Variants in SYCP2L observed in about 807,000 individuals in gnomAD.
SYCP2L encodes the protein synaptonemal complex protein 2 like, also known as synaptonemal complex protein 2-like.
A neutral mutation model predicts 125.8 loss-of-function variants in SYCP2L; 98 were observed. The observed-to-expected ratio is 0.78, with a 90% CI of 0.66 to 0.92. SYCP2L has a LOEUF of 0.92. Ranked by LOEUF, SYCP2L falls within the 40% of genes least tolerant of loss-of-function variation. The pLI is 0.00. For synonymous variants in SYCP2L, 317 were observed against 325.4 expected (o/e 0.97, Z 0.28); for missense variants, 842 against 936.4 (o/e 0.90, Z 1.32).
intron 12 of SYCP2L, among the ~76,000 whole-genome samples, chr6:10,911,983 A>C (rs1291322424): frequency 1.5e-5 from 2 of 132,664 alleles, no homozygotes; most frequent in African/African-American, 2.9e-5. Context: ...ATCACTGCCA[A>C]CTCCGCCTCC....
chr6:10,897,611 C>T (rs1400634288), intron 4 of SYCP2L, among the ~76,000 whole-genome samples: 1 of 152,120 alleles, frequency 6.6e-6, no homozygotes, highest in Non-Finnish European at 1.5e-5. Context: ...GAAGTTTAAC[C>T]ATCTTTCCCA....
In SYCP2L at chr6:10,955,175, C is replaced by T. The variant is rs1225746; in HGVS notation, c.2014C>T (p.Pro672Ser). The change falls in exon 24 of 30, where the codon CCG (proline) becomes TCG (serine). Residue 672 changes from proline (P) to serine (S), a missense_variant. Pro to Ser is a moderately conservative substitution (Grantham distance 74). Coordinates refer to ENST00000283141, the MANE Select transcript of SYCP2L (RefSeq NM_001040274.3). ...QQSRLEEEVAPGSPFSITEER... is the reference protein window; with the variant it reads ...QQSRLEEEVASGSPFSITEER... The stretch of plus-strand genomic sequence containing the variant: ...ATCAAGATTGGAAGAAGAGGTTGCT[C>T]CGGGATCCCCTTTCTCAATAACAGA... 0.97 allele frequency: 1,561,551 copies of T among 1,613,468 alleles called. 757,842 individuals are homozygous for T. Among genetic ancestry groups the T allele is most frequent in the Non-Finnish European group, 0.99 (1,167,881 of 1,179,550 alleles).
intron 23 of SYCP2L, among the ~76,000 whole-genome samples, chr6:10,947,124 TAGA>T (rs1781330297): frequency 6.6e-6 from 1 of 152,090 alleles, no homozygotes; most frequent in Non-Finnish European, 1.5e-5. Context: ...TTTTTATTTC[TAGA>T]AGTTGTTTGG....
chr6:10,928,424 G>A lies in SYCP2L; in HGVS notation c.1462G>A (p.Gly488Arg), dbSNP rs374666909. The change falls in exon 18 of 30, where the codon GGG becomes AGG. Residue 488 changes from glycine (G) to arginine (R), a missense_variant. Gly to Arg is a moderately radical substitution (Grantham distance 125, BLOSUM62 -2). Coordinates refer to ENST00000283141, the MANE Select transcript of SYCP2L (RefSeq NM_001040274.3). ...ATAGCTTCAGCCGGTCCCTCCGTTC[G>A]GGGTCCCTGACTTCCCGCAACAACC... ...DSHLQPVPPF[G>R]VPDFPQQPKS... The A allele has an allele frequency of 1.2e-5, 19 of 1,582,218 alleles. No homozygotes were observed. Among genetic ancestry groups the A allele is most frequent in the South Asian group, 4.7e-5 (4 of 85,932 alleles).
At chr6:10,955,268 T>G (rs761078406) in intron 24 of SYCP2L, 51 bp downstream of exon 24, 1 of 1,149,690 alleles carries the variant, frequency 8.7e-7, no homozygotes, top group Non-Finnish European at 1.3e-6. Context: ...GATAAATGGG[T>G]CAGCACAGGA....
Position 10,974,043 on chromosome 6 carries a change from C to T in SYCP2L, c.*129C>T, listed in dbSNP as rs1302935530. ...TTCGTGCTCTGTACGCATTCAATTT[C>T]CTCCCCTCCAAACATCATCCCTGGG... is the stretch of plus-strand genomic sequence containing the variant. On this transcript the variant is annotated 3_prime_UTR_variant, in exon 30 of 30. Transcript: ENST00000283141. 6.6e-6 allele frequency: 1 copy of T among 152,228 alleles called. No homozygotes were observed. Among genetic ancestry groups the T allele is most frequent in the Non-Finnish European group, 1.5e-5 (1 of 68,048 alleles). The allele number at this position is 152,228 out of a possible 1,614,324, so 9.4% of individuals were successfully genotyped here. A position where few individuals can be genotyped will look rare whatever the true frequency, so the allele number is the denominator to read the frequency against.
At chr6:10,908,875 A>G (rs1276195077) in intron 10 of SYCP2L, among the ~76,000 whole-genome samples, 2 of 152,172 alleles carry the variant, frequency 1.3e-5, no homozygotes, top group African/African-American at 2.4e-5. Flanking sequence ...TTGGCAAGGT[A>G]GTTGACTTGT....
At chr6:10,950,281 C>A (rs1781386571) in intron 23 of SYCP2L, among the ~76,000 whole-genome samples, 3 of 152,068 alleles carry the variant, frequency 2.0e-5, no homozygotes, top group Admixed American at 2.0e-4. Context: ...TTTGACTTGC[C>A]TTATGGTTGA....
intron 29 of SYCP2L, among the ~76,000 whole-genome samples, chr6:10,970,495 G>A (rs1258527268): frequency 6.6e-6 from 1 of 152,150 alleles, no homozygotes; most frequent in Non-Finnish European, 1.5e-5. Context: ...GTGGGGAATT[G>A]GATGATATGG....
intron 20 of SYCP2L, 121 bp downstream of exon 20, chr6:10,931,610 C>A: frequency 3.2e-6 from 3 of 925,354 alleles, no homozygotes; most frequent in Non-Finnish European, 5.0e-6. Flanking sequence ...TGTGAATCAC[C>A]GCCAATAGAA....
intron 23 of SYCP2L, among the ~76,000 whole-genome samples, chr6:10,947,339 A>G (rs533511479): frequency 1.3e-5 from 2 of 152,194 alleles, no homozygotes; most frequent in Admixed American, 1.3e-4. Flanking sequence ...TAGAATTTTG[A>G]TAGAAATTGC....
In SYCP2L at chr6:10,974,104, T is replaced by C. The variant is rs1781819712; in HGVS notation, c.*190T>C. 1 of 152,242 alleles carries C rather than the reference T, an allele frequency of 6.6e-6. No individual in the cohort carries two copies. The highest frequency in any genetic ancestry group is 6.5e-5 in the Admixed American group (1 of 15,284). 9.4% of individuals were successfully genotyped at this position (152,242 alleles called of 1,614,324 possible). A position where few individuals can be genotyped will look rare whatever the true frequency, so the allele number is the denominator to read the frequency against. ...TTCAGATAGAATATATGTTGGTAGT[T>C]TGCAGTTGGGTTATTATCCATTTGT... is the stretch of plus-strand genomic sequence containing the variant. On this transcript the variant is annotated 3_prime_UTR_variant, in exon 30 of 30. Coordinates refer to ENST00000283141, the MANE Select transcript of SYCP2L (RefSeq NM_001040274.3).
chr6:10,953,383 C>T (rs1372184204), intron 23 of SYCP2L, among the ~76,000 whole-genome samples: 1 of 152,086 alleles, frequency 6.6e-6, no homozygotes, highest in African/African-American at 2.4e-5. Context: ...TCCTGTTCTG[C>T]CCCTTCTGGA....
intron 23 of SYCP2L, among the ~76,000 whole-genome samples, chr6:10,946,031 G>A (rs1387416355): frequency 6.6e-6 from 1 of 151,880 alleles, no homozygotes; most frequent in East Asian, 1.9e-4. Context: ...GCCTGTATTT[G>A]GACTTCCTTG....
At chr6:10,939,130 A>G (rs537785197) in intron 21 of SYCP2L, among the ~76,000 whole-genome samples, 186 of 152,042 alleles carry the variant, frequency 1.2e-3, no homozygotes, top group African/African-American at 4.3e-3. Context: ...AAAAAAAAAA[A>G]GAAAATTTCA....
At chr6:10,940,088 C>T (rs890031859) in intron 21 of SYCP2L, among the ~76,000 whole-genome samples, 120 of 95,274 alleles carry the variant, frequency 1.3e-3, no homozygotes, top group African/African-American at 3.5e-3. Flanking sequence ...GGTATATGTA[C>T]TCAACATCAC....
At chr6:10,889,339 A>G (rs1780136188) in intron 1 of SYCP2L, among the ~76,000 whole-genome samples, 1 of 152,220 alleles carries the variant, frequency 6.6e-6, no homozygotes, top group Non-Finnish European at 1.5e-5. Flanking sequence ...TGATATTTCC[A>G]TATGTGTATA....
chr6:10,907,539 T>C lies in SYCP2L; in HGVS notation c.677-3T>C. Reference sequence around the variant, plus strand: ...CTATGTCTACTATGTTTTTAATCTCTAGATTATGACCAGCAGGTTGCTATT... The same window carrying C: ...CTATGTCTACTATGTTTTTAATCTCCAGATTATGACCAGCAGGTTGCTATT... On this transcript the variant is annotated splice_polypyrimidine_tract_variant and splice_region_variant and intron_variant, in intron 9 of 29. Coordinates refer to ENST00000283141, the MANE Select transcript of SYCP2L (RefSeq NM_001040274.3). 1.2e-6 allele frequency: 2 copies of C among 1,609,010 alleles called. No individual in the cohort carries two copies. The highest frequency in any genetic ancestry group is 1.1e-5 in the South Asian group (1 of 90,184).
chr6:10,953,513 C>T (rs1781446860), intron 23 of SYCP2L, among the ~76,000 whole-genome samples: 1 of 152,170 alleles, frequency 6.6e-6, no homozygotes, highest in African/African-American at 2.4e-5. Context: ...TCTACCCTCA[C>T]CACTAGGAGA....
Sources: allele counts gnomAD v4.1 joint callset (sites outside exome capture counted in the v4.1 genomes callset), GRCh38; gene constraint gnomAD v4.1.1; transcripts MANE v1.5; gene names NCBI Gene and HGNC (gene_info 2026-07-23, HGNC 2026-07-21).